CTNNA3: variants seen among roughly 807,000 people sequenced by gnomAD.
The protein encoded by CTNNA3 is catenin alpha-3.
A neutral mutation model predicts 95.7 loss-of-function variants in CTNNA3; 76 were observed. That is an observed-to-expected ratio of 0.79 (90% CI 0.66 to 0.96). CTNNA3 has a LOEUF of 0.96. Among genes scored for constraint, CTNNA3 ranks in the 40% least tolerant of loss-of-function variants. CTNNA3 has a pLI of 0.00. For missense variants in CTNNA3, 1,191 were observed against 1,089.8 expected (o/e 1.09, Z -1.31); for synonymous variants, 431 against 374.4 (o/e 1.15, Z -1.74).
At chr10:66,508,226 A>G (rs1365085092) in intron 11 of CTNNA3, among the ~76,000 whole-genome samples, 1 of 94,110 alleles carries the variant, frequency 1.1e-5, no homozygotes, top group Non-Finnish European at 2.1e-5. Context: ...TTTTTTTTTA[A>G]CAATTTCGTT....
chr10:66,066,055 G>T (rs2080306317), intron 15 of CTNNA3, among the ~76,000 whole-genome samples: 2 of 151,894 alleles, frequency 1.3e-5, no homozygotes, highest in Admixed American at 1.3e-4. Context: ...TAGAGACAGG[G>T]TTTCTCTATG....
At chr10:66,107,917 A>T (rs2081970110) in intron 13 of CTNNA3, among the ~76,000 whole-genome samples, 1 of 152,144 alleles carries the variant, frequency 6.6e-6, no homozygotes, top group Admixed American at 6.5e-5. Context: ...TTGAATTCTA[A>T]ACCATACACA....
intron 13 of CTNNA3, among the ~76,000 whole-genome samples, chr10:66,221,232 A>G (rs1219216336): frequency 1.3e-5 from 2 of 151,646 alleles, no homozygotes; most frequent in African/African-American, 2.4e-5. Flanking sequence ...CCACATTCAC[A>G]AAGACACCAT....
At chr10:66,426,802 T>G (rs2093245951) in intron 11 of CTNNA3, among the ~76,000 whole-genome samples, 1 of 136,036 alleles carries the variant, frequency 7.4e-6, no homozygotes, top group South Asian at 2.5e-4. Flanking sequence ...ATCAGCCATA[T>G]TTCCTCTGTC....
intron 1 of CTNNA3, among the ~76,000 whole-genome samples, chr10:67,705,858 T>C (rs1352818204): frequency 3.3e-5 from 5 of 151,636 alleles, no homozygotes; most frequent in Non-Finnish European, 7.4e-5. Context: ...GTAACCGACA[T>C]ACAGGTTCAG....
At chr10:66,968,417 T>TA (rs141136660) in intron 7 of CTNNA3, among the ~76,000 whole-genome samples, 8 of 149,554 alleles carry the variant, frequency 5.3e-5, no homozygotes, top group South Asian at 2.1e-4. Context: ...GGAAAGAAAT[T>TA]AAAAAAAAGA....
chr10:65,989,489 T>C (rs1210036412), intron 15 of CTNNA3, among the ~76,000 whole-genome samples: 5 of 152,146 alleles, frequency 3.3e-5, no homozygotes, highest in African/African-American at 1.2e-4. Context: ...TTTTGGATAT[T>C]ATATGTATCT....
chr10:67,230,889 T>C (rs1484558819), intron 5 of CTNNA3, among the ~76,000 whole-genome samples: 1 of 151,982 alleles, frequency 6.6e-6, no homozygotes, highest in Non-Finnish European at 1.5e-5. Flanking sequence ...GGAGTTCCCT[T>C]TCCTAGTCAA....
chr10:67,305,682 A>G (rs1840525858), intron 5 of CTNNA3, among the ~76,000 whole-genome samples: 1 of 152,224 alleles, frequency 6.6e-6, no homozygotes, highest in Admixed American at 6.5e-5. Flanking sequence ...AGTTAAAAAA[A>G]GAAAAAAGGA....
At chr10:67,695,387 C>T (rs1325806150) in intron 1 of CTNNA3, among the ~76,000 whole-genome samples, 1 of 152,138 alleles carries the variant, frequency 6.6e-6, no homozygotes, top group Non-Finnish European at 1.5e-5. Flanking sequence ...TAGATAGTGA[C>T]CTTTTCTTTA....
intron 7 of CTNNA3, among the ~76,000 whole-genome samples, chr10:66,829,741 AAC>A (rs1842646838): frequency 6.6e-6 from 1 of 151,300 alleles, no homozygotes; most frequent in African/African-American, 2.4e-5. Context: ...CACTTTGGGA[AAC>A]ACTGCCTTAG....
At chr10:66,324,358 C>T (rs2092227976) in intron 12 of CTNNA3, among the ~76,000 whole-genome samples, 1 of 152,218 alleles carries the variant, frequency 6.6e-6, no homozygotes, top group South Asian at 2.1e-4. Context: ...TCACATTCAT[C>T]CTTCAAGTCC....
intron 15 of CTNNA3, among the ~76,000 whole-genome samples, chr10:66,019,526 T>C (rs2079158573): frequency 6.6e-6 from 1 of 152,122 alleles, no homozygotes; most frequent in Non-Finnish European, 1.5e-5. Flanking sequence ...ATAATGGGGT[T>C]ATGCCTAAAG....
At chr10:66,976,660 T>G (rs1404225527) in intron 7 of CTNNA3, among the ~76,000 whole-genome samples, 1 of 152,230 alleles carries the variant, frequency 6.6e-6, no homozygotes, top group Admixed American at 6.5e-5. Context: ...TTTTCCAATC[T>G]TATTTTCATG....
At chr10:66,706,740 C>G (rs557689745) in intron 9 of CTNNA3, among the ~76,000 whole-genome samples, 7 of 151,932 alleles carry the variant, frequency 4.6e-5, no homozygotes, top group Non-Finnish European at 1.0e-4. Flanking sequence ...CATAGTTCTT[C>G]CTGCCATGCA....
chr10:66,571,592 T>C lies in CTNNA3; in HGVS notation c.1374+50100A>G, dbSNP rs10437370. 7.7e-3 allele frequency among the ~76,000 whole-genome samples: 1,171 copies of C among 152,290 alleles called. 21 individuals are homozygous for C. The highest frequency in any genetic ancestry group is 0.027 in the African/African-American group (1,135 of 41,556). On this transcript the variant is annotated intron_variant, in intron 10 of 17. Coordinates refer to ENST00000433211, the MANE Select transcript of CTNNA3 (RefSeq NM_013266.4). ...ATTCAGTGTTTTAAAATTATCACCC[T>C]AAGTCTTTTGGGTTCAAGGTAGTAT...
intron 7 of CTNNA3, among the ~76,000 whole-genome samples, chr10:66,799,178 A>T (rs1841329609): frequency 6.6e-6 from 1 of 151,556 alleles, no homozygotes; most frequent in Non-Finnish European, 1.5e-5. Context: ...AGCTTCTACA[A>T]TATATGATCC....
At chr10:67,002,815 T>C (rs1851761080) in intron 7 of CTNNA3, among the ~76,000 whole-genome samples, 1 of 152,204 alleles carries the variant, frequency 6.6e-6, no homozygotes, top group Non-Finnish European at 1.5e-5. Flanking sequence ...TTATTTAGCA[T>C]GTATTTGATT....
At chr10:67,598,398 C>G (rs1032243867) in intron 3 of CTNNA3, among the ~76,000 whole-genome samples, 1 of 152,102 alleles carries the variant, frequency 6.6e-6, no homozygotes, top group Non-Finnish European at 1.5e-5. Flanking sequence ...AGGAATGAGT[C>G]CTGGTGCTTG....
Sources: allele counts gnomAD v4.1 joint callset (sites outside exome capture counted in the v4.1 genomes callset), GRCh38; gene constraint gnomAD v4.1.1; transcripts MANE v1.5; gene names NCBI Gene and HGNC (gene_info 2026-07-23, HGNC 2026-07-21).